Variants in GPHN observed in about 807,000 individuals in gnomAD.
GPHN encodes gephyrin.
GPHN carries 17 observed loss-of-function variants against 95.5 expected under a neutral mutation model. The observed-to-expected ratio is 0.18, with a 90% confidence interval of 0.12 to 0.27. The LOEUF is 0.27. GPHN is among the 10% of genes least tolerant of loss of function. The pLI, the probability that GPHN is intolerant of heterozygous loss-of-function variation, is 1.00. For synonymous variants in GPHN, 320 were observed against 322.5 expected, an observed-to-expected ratio of 0.99 and a Z score of 0.08; for missense variants, 660 against 978.1, an observed-to-expected ratio of 0.67 and a Z score of 4.34.
intron 2 of GPHN, among the ~76,000 whole-genome samples, chr14:66,686,355 A>G (rs1449205074): frequency 6.6e-6 from 1 of 152,144 alleles, no homozygotes; most frequent in Non-Finnish European, 1.5e-5. Context: ...CATTTTCATG[A>G]TATTGATTCT....
At chr14:67,356,545 G>C in the GPHN span, among the ~76,000 whole-genome samples, 1 of 151,974 alleles carries the variant, frequency 6.6e-6, no homozygotes, top group African/African-American at 2.4e-5. Context: ...AGCTGAAAGG[G>C]ACTTTAGACA....
At chr14:67,532,486 A>T in the GPHN span, among the ~76,000 whole-genome samples, 31 of 152,248 alleles carry the variant, frequency 2.0e-4, no homozygotes, top group Non-Finnish European at 4.4e-4. Context: ...GCTTTGGGCG[A>T]TCTGAGATCT....
intron 2 of GPHN, among the ~76,000 whole-genome samples, chr14:66,704,364 T>G (rs531550478): frequency 6.6e-5 from 10 of 152,136 alleles, no homozygotes; most frequent in African/African-American, 2.4e-4. Context: ...GAATATACGT[T>G]CATCTCGGTG....
the GPHN span, among the ~76,000 whole-genome samples, chr14:67,230,785 C>T: frequency 2.5e-4 from 38 of 152,168 alleles, no homozygotes; most frequent in African/African-American, 8.9e-4. Flanking sequence ...AGAAACTTAA[C>T]TATGGAATAC....
intron 1 of GPHN, among the ~76,000 whole-genome samples, chr14:66,617,051 T>C (rs563901943): frequency 6.6e-6 from 1 of 152,210 alleles, no homozygotes; most frequent in East Asian, 1.9e-4. Context: ...TGTCCATTGG[T>C]GGAGGGGTTA....
chr14:66,721,614 G>A (rs1467858187), intron 2 of GPHN, among the ~76,000 whole-genome samples: 1 of 152,042 alleles, frequency 6.6e-6, no homozygotes, highest in Non-Finnish European at 1.5e-5. Context: ...GGAACCCTCT[G>A]GGAACTCTCA....
chr14:67,224,377 GT>G, the GPHN span, among the ~76,000 whole-genome samples: 4 of 151,536 alleles, frequency 2.6e-5, no homozygotes, highest in East Asian at 7.8e-4. Flanking sequence ...TCTTGCCTCA[GT>G]CTCCCGAGTA....
chr14:66,912,585 A>G (rs1197317919), intron 5 of GPHN, among the ~76,000 whole-genome samples: 1 of 152,042 alleles, frequency 6.6e-6, no homozygotes, highest in Non-Finnish European at 1.5e-5. Context: ...TCTTTTCTTT[A>G]TATCTTCTGT....
chr14:66,598,314 A>G (rs1007919975), intron 1 of GPHN, among the ~76,000 whole-genome samples: 6 of 152,146 alleles, frequency 3.9e-5, no homozygotes, highest in Non-Finnish European at 8.8e-5. Context: ...AAGGTAATGT[A>G]TATGTTAAAT....
At chr14:66,934,847 G>C (rs2067022519) in intron 8 of GPHN, among the ~76,000 whole-genome samples, 1 of 152,134 alleles carries the variant, frequency 6.6e-6, no homozygotes, top group African/African-American at 2.4e-5. Flanking sequence ...AGCTAATAGA[G>C]ATAACTGTTG....
intron 18 of GPHN, among the ~76,000 whole-genome samples, chr14:67,150,120 G>C (rs1261330164): frequency 1.3e-5 from 2 of 152,060 alleles, no homozygotes; most frequent in Non-Finnish European, 2.9e-5. Flanking sequence ...TTTTGAAACT[G>C]ACATACTATA....
At chr14:66,883,320 A>T (rs973051524) in intron 5 of GPHN, among the ~76,000 whole-genome samples, 20 of 151,566 alleles carry the variant, frequency 1.3e-4, no homozygotes, top group Middle Eastern at 3.4e-3. Flanking sequence ...AGTGGTTTTT[A>T]TTTCAGATAT....
chr14:67,692,644 C>T, the GPHN span: 2 of 1,504,776 alleles, frequency 1.3e-6, no homozygotes, highest in Admixed American at 2.4e-5. Flanking sequence ...TTTGAGCTGG[C>T]ATTATAAATC....
At chr14:66,681,807 A>G (rs1177958801) in intron 2 of GPHN, among the ~76,000 whole-genome samples, 1 of 152,120 alleles carries the variant, frequency 6.6e-6, no homozygotes, top group East Asian at 1.9e-4. Flanking sequence ...AAATATGCAT[A>G]CTATCTATGA....
At chr14:66,647,053 T>A (rs1406797817) in intron 1 of GPHN, among the ~76,000 whole-genome samples, 1 of 144,624 alleles carries the variant, frequency 6.9e-6, no homozygotes, top group East Asian at 2.0e-4. Context: ...CATGCCACCA[T>A]ACCTGGCTTT....
the GPHN span, among the ~76,000 whole-genome samples, chr14:67,356,891 G>A: frequency 6.6e-6 from 1 of 152,190 alleles, no homozygotes; most frequent in Admixed American, 6.5e-5. Flanking sequence ...TAGAACTTGG[G>A]CTCAAAGAGC....
intron 18 of GPHN, among the ~76,000 whole-genome samples, chr14:67,155,762 C>T (rs1595414224): frequency 6.6e-6 from 1 of 151,814 alleles, no homozygotes; most frequent in East Asian, 1.9e-4. Context: ...AGACATCAAG[C>T]CAGAAATTCT....
At chr14:66,823,850 G>A (rs897678317) in intron 3 of GPHN, among the ~76,000 whole-genome samples, 9 of 152,084 alleles carry the variant, frequency 5.9e-5, no homozygotes, top group African/African-American at 1.4e-4. Context: ...TTATAAAAAC[G>A]TAATGAAACA....
At chr14:67,705,093 T>C in the GPHN span, among the ~76,000 whole-genome samples, 1 of 152,208 alleles carries the variant, frequency 6.6e-6, no homozygotes, top group South Asian at 2.1e-4. Flanking sequence ...GGAAGCCAAA[T>C]GTGAGGATCA....
Sources: allele counts gnomAD v4.1 joint callset (sites outside exome capture counted in the v4.1 genomes callset), GRCh38; gene constraint gnomAD v4.1.1; transcripts MANE v1.5; gene names NCBI Gene and HGNC (gene_info 2026-07-23, HGNC 2026-07-21).